ADAMTS6: variants seen among roughly 807,000 people sequenced by gnomAD.
ADAMTS6 encodes A disintegrin and metalloproteinase with thrombospondin motifs 6.
A neutral mutation model predicts 144.3 loss-of-function variants in ADAMTS6; 23 were observed. That is an observed-to-expected ratio of 0.16 (90% CI 0.11 to 0.23). ADAMTS6 has a LOEUF of 0.23. Ranked by LOEUF, ADAMTS6 falls within the 10% of genes least tolerant of loss-of-function variation. The pLI is 1.00. For synonymous variants in ADAMTS6, 444 were observed against 457.5 expected, an observed-to-expected ratio of 0.97 and a Z score of 0.38; for missense variants, 999 against 1,379.6, an observed-to-expected ratio of 0.72 and a Z score of 4.37.
At chr5:65,387,817 C>T (rs986285960) in intron 7 of ADAMTS6, among the ~76,000 whole-genome samples, 2 of 152,164 alleles carry the variant, frequency 1.3e-5, no homozygotes, top group African/African-American at 4.8e-5. Flanking sequence ...AAAGACTATT[C>T]AGTGAATTGA....
At chr5:65,235,355 T>C (rs891504248) in intron 15 of ADAMTS6, among the ~76,000 whole-genome samples, 1 of 152,210 alleles carries the variant, frequency 6.6e-6, no homozygotes, top group Admixed American at 6.6e-5. Flanking sequence ...TTGTCAATTA[T>C]ATCTCAGTGA....
At chr5:65,247,577 T>C (rs1759741836) in intron 14 of ADAMTS6, among the ~76,000 whole-genome samples, 2 of 152,138 alleles carry the variant, frequency 1.3e-5, no homozygotes, top group South Asian at 2.1e-4. Flanking sequence ...CAAAATGTCT[T>C]GAAAATGAGG....
At chr5:65,348,744 A>G (rs1211058866) in intron 7 of ADAMTS6, among the ~76,000 whole-genome samples, 1 of 152,136 alleles carries the variant, frequency 6.6e-6, no homozygotes, top group Non-Finnish European at 1.5e-5. Flanking sequence ...ATATCAGAAC[A>G]TAACATTGTA....
intron 3 of ADAMTS6, among the ~76,000 whole-genome samples, chr5:65,463,485 T>C (rs1324193341): frequency 6.6e-6 from 1 of 152,090 alleles, no homozygotes; most frequent in Non-Finnish European, 1.5e-5. Context: ...GTACCAGAAA[T>C]CTATGCATGC....
intron 20 of ADAMTS6, among the ~76,000 whole-genome samples, chr5:65,204,396 T>C (rs1215777746): frequency 6.6e-6 from 1 of 152,126 alleles, no homozygotes; most frequent in Admixed American, 6.5e-5. Context: ...CTCTGCAATC[T>C]CAAGAGTCAA....
At chr5:65,314,522 AC>A (rs1326915612) in intron 9 of ADAMTS6, among the ~76,000 whole-genome samples, 2 of 152,208 alleles carry the variant, frequency 1.3e-5, no homozygotes, top group Admixed American at 6.5e-5. Flanking sequence ...AATGACAGAT[AC>A]CCAACTACAG....
chr5:65,421,166 A>G (rs771307728), intron 7 of ADAMTS6, among the ~76,000 whole-genome samples: 11 of 152,124 alleles, frequency 7.2e-5, no homozygotes, highest in Non-Finnish European at 1.6e-4. Context: ...AGTCTCTGTG[A>G]GTTTTATGCT....
At chr5:65,276,825 CTGAAGTA>C (rs143341980) in intron 11 of ADAMTS6, among the ~76,000 whole-genome samples, 4,783 of 152,244 alleles carry the variant, frequency 0.031, 252 homozygotes, top group African/African-American at 0.11. Flanking sequence ...ATAGGAGGTG[CTGAAGTA>C]TAGTGAGAAA....
chr5:65,170,863 A>C, intron 23 of ADAMTS6, 90 bp from the exon 24 acceptor site: 2 of 1,390,880 alleles, frequency 1.4e-6, no homozygotes, highest in Non-Finnish European at 9.7e-7. Flanking sequence ...ATACAACACA[A>C]TATGAACTTT....
chr5:65,388,395 G>A (rs1408141355), intron 7 of ADAMTS6, among the ~76,000 whole-genome samples: 1 of 152,072 alleles, frequency 6.6e-6, no homozygotes, highest in African/African-American at 2.4e-5. Context: ...AGGGGATGAA[G>A]TTATAACACT....
At chr5:65,369,494 T>C (rs561643460) in intron 7 of ADAMTS6, among the ~76,000 whole-genome samples, 1 of 152,002 alleles carries the variant, frequency 6.6e-6, no homozygotes, top group Non-Finnish European at 1.5e-5. Context: ...ACATCTTTCT[T>C]ATGTTCTTAG....
chr5:65,411,334 T>A (rs937028714), intron 7 of ADAMTS6, among the ~76,000 whole-genome samples: 1 of 152,166 alleles, frequency 6.6e-6, no homozygotes, highest in Non-Finnish European at 1.5e-5. Flanking sequence ...CCTATGGCAG[T>A]TCTATTTTTT....
intron 21 of ADAMTS6, among the ~76,000 whole-genome samples, chr5:65,191,586 C>T (rs1420596043): frequency 6.6e-6 from 1 of 151,860 alleles, no homozygotes; most frequent in Admixed American, 6.6e-5. Flanking sequence ...AATATCTTTA[C>T]TCAAAGAGAA....
rs1173990732 is a variant in ADAMTS6 at position 65,302,306 on chromosome 5, TTATTATATACATATACATGTATA to T, written c.1224-2198_1224-2176del. Among the ~76,000 whole-genome samples the T allele has an allele frequency of 2.1e-5, 3 of 144,802 alleles. No homozygotes were observed. In the East Asian group the frequency reaches 5.9e-4, roughly 28 times the overall value. 95.0% of individuals were successfully genotyped at this position (144,802 alleles called of 152,430 possible). Reference sequence around the variant, plus strand: ...TAAAATATTAATATATAATATATAATTATTATATACATATACATGTATATATTATATACATATAATATGTGTAT... The same window carrying T: ...TAAAATATTAATATATAATATATAATTATTATATACATATAATATGTGTAT... On this transcript the variant is annotated intron_variant, in intron 9 of 24. Coordinates refer to ENST00000381055, the MANE Select transcript of ADAMTS6 (RefSeq NM_197941.4).
chr5:65,212,548 AT>A (rs1195904183), intron 20 of ADAMTS6, among the ~76,000 whole-genome samples: 3 of 148,388 alleles, frequency 2.0e-5, no homozygotes, highest in Non-Finnish European at 3.0e-5. Flanking sequence ...ACAAAATTAT[AT>A]TTTTTTCTTC....
chr5:65,307,798 CT>C (rs1292245227), intron 9 of ADAMTS6, among the ~76,000 whole-genome samples: 3 of 152,202 alleles, frequency 2.0e-5, no homozygotes, highest in Non-Finnish European at 4.4e-5. Context: ...ACAAGACACT[CT>C]TTTATATCCC....
chr5:65,265,167 A>C (rs1411766477), intron 12 of ADAMTS6, among the ~76,000 whole-genome samples: 1 of 152,096 alleles, frequency 6.6e-6, no homozygotes. Context: ...TAAGTCTGAT[A>C]TATATTAAAA....
intron 20 of ADAMTS6, among the ~76,000 whole-genome samples, chr5:65,206,248 A>T (rs1756075016): frequency 1.3e-5 from 2 of 152,246 alleles, no homozygotes; most frequent in South Asian, 4.1e-4. Context: ...ACTTCTTTGT[A>T]ATGATTTGTA....
rs375785858 is a variant in ADAMTS6, at chr5:65,192,208, A to C, written c.2706-3988T>G. 1.4e-4 allele frequency among the ~76,000 whole-genome samples: 21 copies of C among 144,942 alleles called. 1 individual carries two copies. In the East Asian group the frequency reaches 1.6e-3, roughly 11 times the overall value. On this transcript the variant is annotated intron_variant, in intron 21 of 24. Transcript: ENST00000381055. The stretch of plus-strand genomic sequence containing the variant: ...ATAAAAATTAATCTCTTCCCACCCT[A>C]AGTTTCCTTCAGCACTTTTGCTTAT...
Sources: gnomAD v4.1 joint callset for allele counts (sites outside exome capture counted in the v4.1 genomes callset) on GRCh38, gnomAD v4.1.1 for gene constraint, MANE v1.5 for transcripts, NCBI Gene and HGNC (gene_info 2026-07-23, HGNC 2026-07-21) for gene names.